CTCF: variants seen among roughly 807,000 people sequenced by gnomAD.
The protein encoded by CTCF is transcriptional repressor CTCF.
CTCF carries 7 observed loss-of-function variants against 72.3 expected under a neutral mutation model. The observed-to-expected ratio is 0.10, with a 90% CI of 0.06 to 0.18. The LOEUF is 0.18. CTCF is among the 10% of genes least tolerant of loss of function. The pLI is 1.00. For synonymous variants in CTCF, 374 were observed against 315.8 expected (o/e 1.18, Z -1.95); for missense variants, 516 against 949.1 (o/e 0.54, Z 6.00).
intron 4 of CTCF, chr16:67,615,037 G>C (rs545348081): frequency 6.6e-6 from 1 of 152,272 alleles, no homozygotes; most frequent in South Asian, 2.1e-4. Context: ...AGCTACTCAG[G>C]AGGCTGAGGC....
intron 7 of CTCF, among the ~76,000 whole-genome samples, chr16:67,622,152 C>T (rs936213475): frequency 2.6e-5 from 4 of 152,030 alleles, no homozygotes; most frequent in African/African-American, 7.2e-5. Context: ...GTCAGGCGAT[C>T]GAGACCATTC....
chr16:67,584,337 C>CTTTTTTTTTTTTTTTT (rs904086024), intron 2 of CTCF, among the ~76,000 whole-genome samples: 2 of 105,860 alleles, frequency 1.9e-5, no homozygotes, highest in African/African-American at 8.5e-5. Context: ...AAAAAGTCTT[C>CTTTTTTTTTTTTTTTT]TTTTTTTTTT....
rs541559135 is a variant in CTCF, at chr16:67,600,441, G to A, written c.-9-10383G>A. On this transcript the variant is annotated intron_variant, in intron 2 of 11. Transcript: ENST00000264010. ...GATGGTGTTTCACCATGTTGCCCAAGCTGGTCTCGAACTCCTGGACTCAAG... is the reference window on the plus strand; with the variant it reads ...GATGGTGTTTCACCATGTTGCCCAAACTGGTCTCGAACTCCTGGACTCAAG... 3.3e-5 allele frequency among the ~76,000 whole-genome samples: 5 copies of A among 152,110 alleles called. No homozygotes were observed. The East Asian group carries it at 9.7e-4, about 29-fold the overall frequency.
intron 10 of CTCF, among the ~76,000 whole-genome samples, chr16:67,630,904 G>T (rs779785771): frequency 1.3e-5 from 2 of 152,142 alleles, no homozygotes; most frequent in Non-Finnish European, 2.9e-5. Flanking sequence ...AGGTGGGAAG[G>T]CACCTCTGTA....
chr16:67,583,788 A>G (rs2051623209), intron 2 of CTCF, among the ~76,000 whole-genome samples: 1 of 152,098 alleles, frequency 6.6e-6, no homozygotes, highest in South Asian at 2.1e-4. Context: ...CAGCTTTTCT[A>G]GTTTAAAACA....
intron 9 of CTCF, 56 bp downstream of exon 9, chr16:67,628,608 C>G: frequency 6.4e-7 from 1 of 1,558,510 alleles, no homozygotes; most frequent in Non-Finnish European, 8.8e-7. Flanking sequence ...GATTTTTGGT[C>G]TTCCTCTGCA....
rs771089938 is a variant in CTCF at position 67,637,767 on chromosome 16, T to G, written c.2079T>G (p.Asp693Glu). The change falls in exon 12 of 12, where the codon GAT becomes GAG. Residue 693 changes from aspartate (D) to glutamate (E), a missense_variant. This residue lies in a region of CTCF where 157 missense variants were observed against 172.9 expected (regional missense o/e 0.91). Transcript: ENST00000264010. ...TAGTTGAAGTAAAAAAAGAGCCAGATGCTGAGCCCGCAGAGGGAGAGGAAG... is the reference window on the plus strand; with the variant it reads ...TAGTTGAAGTAAAAAAAGAGCCAGAGGCTGAGCCCGCAGAGGGAGAGGAAG... ...NIIVEVKKEP[D>E]AEPAEGEEEE... is the part of the protein sequence containing the mutation. 1 of 1,613,614 alleles carries G rather than the reference T, an allele frequency of 6.2e-7. No individual in the cohort carries two copies. Among genetic ancestry groups the G allele is most frequent in the Non-Finnish European group, 8.5e-7 (1 of 1,180,018 alleles).
At chr16:67,618,902 A>C (rs2052166492) in intron 5 of CTCF, among the ~76,000 whole-genome samples, 1 of 152,240 alleles carries the variant, frequency 6.6e-6, no homozygotes. Flanking sequence ...GGAAGAATAA[A>C]TATGAATGGC....
At position 67,637,932 on chromosome 16, in the gene CTCF, T is replaced by G. The variant is rs1357792745; in HGVS notation, c.*60T>G. ...GGCTGTGTTTAAACGGCCCGCATCT[T>G]AATTTTTCTCCCTTCTTTCTTTTTT... On this transcript the variant is annotated 3_prime_UTR_variant, in exon 12 of 12. Coordinates refer to ENST00000264010, the MANE Select transcript of CTCF (RefSeq NM_006565.4). 4.4e-6 allele frequency: 6 copies of G among 1,355,890 alleles called. No individual in the cohort carries two copies. The highest frequency in any genetic ancestry group is 4.9e-5 in the Admixed American group (2 of 40,590). The allele number at this position is 1,355,890 out of a possible 1,614,324, so 84.0% of individuals were successfully genotyped here. A position where few individuals can be genotyped will look rare whatever the true frequency, so the allele number is the denominator to read the frequency against.
chr16:67,612,956 T>G (rs2052080923), intron 4 of CTCF, among the ~76,000 whole-genome samples: 1 of 152,166 alleles, frequency 6.6e-6, no homozygotes, highest in South Asian at 2.1e-4. Flanking sequence ...ACCTTAACAT[T>G]TTTTGTTTCT....
intron 10 of CTCF, among the ~76,000 whole-genome samples, chr16:67,630,755 CA>C (rs981378742): frequency 6.7e-6 from 1 of 148,606 alleles, no homozygotes; most frequent in Non-Finnish European, 1.5e-5. Context: ...ACCTTGTCTC[CA>C]AAAAAAACAA....
chr16:67,620,847 A>G, intron 6 of CTCF, 30 bp downstream of exon 6: 5 of 1,523,956 alleles, frequency 3.3e-6, no homozygotes, highest in Non-Finnish European at 4.5e-6. Context: ...TACTGTATTA[A>G]TGAGCTTCTT....
chr16:67,605,034 G>A (rs1000515057), intron 2 of CTCF, among the ~76,000 whole-genome samples: 1 of 140,014 alleles, frequency 7.1e-6, no homozygotes, highest in Non-Finnish European at 1.5e-5. Flanking sequence ...GTGCAGTGGC[G>A]CAATCTCGGC....
intron 2 of CTCF, among the ~76,000 whole-genome samples, chr16:67,577,945 A>C (rs2051522669): frequency 6.6e-6 from 1 of 152,190 alleles, no homozygotes; most frequent in Non-Finnish European, 1.5e-5. Flanking sequence ...AGTAATGTTT[A>C]GTTTCATTCT....
intron 7 of CTCF, among the ~76,000 whole-genome samples, chr16:67,625,475 C>T (rs2052270778): frequency 6.6e-6 from 1 of 152,246 alleles, no homozygotes; most frequent in Admixed American, 6.5e-5. Flanking sequence ...GCTAGGATTA[C>T]AGGCGTGAGC....
chr16:67,636,652 C>T (rs746345084), intron 10 of CTCF, 38 bp from the exon 11 acceptor site: 2 of 1,528,414 alleles, frequency 1.3e-6, no homozygotes, highest in East Asian at 2.4e-5. Flanking sequence ...CACCCTTCTC[C>T]TTGCCCCACC....
Position 67,626,536 on chromosome 16 carries a change from CT to C in CTCF, c.1358-14del. On this transcript the variant is annotated intron_variant, in intron 7 of 11. Coordinates refer to ENST00000264010, the MANE Select transcript of CTCF (RefSeq NM_006565.4). The stretch of plus-strand genomic sequence containing the variant: ...GTTTGTGTTTTCACATTACCCTGGG[CT>C]TTTTACTGTGCTTTCAGGTGTCCAC... 1 of 1,406,964 alleles carries C rather than the reference CT, an allele frequency of 7.1e-7. No individual in the cohort carries two copies. Among genetic ancestry groups the C allele is most frequent in the Non-Finnish European group, 9.4e-7 (1 of 1,068,710 alleles). The allele number at this position is 1,406,964 out of a possible 1,614,324, so 87.2% of individuals were successfully genotyped here. A position where few individuals can be genotyped will look rare whatever the true frequency, so the allele number is the denominator to read the frequency against.
chr16:67,588,859 G>A (rs540535220), intron 2 of CTCF, among the ~76,000 whole-genome samples: 17 of 150,662 alleles, frequency 1.1e-4, no homozygotes, highest in African/African-American at 3.7e-4. Context: ...GCTAATTTTT[G>A]TATTTTTTTT....
rs533620467 is a variant in CTCF at position 67,638,617 on chromosome 16, G to A, written c.*745G>A. On this transcript the variant is annotated 3_prime_UTR_variant, in exon 12 of 12. Coordinates refer to ENST00000264010, the MANE Select transcript of CTCF (RefSeq NM_006565.4). Reference sequence around the variant, plus strand: ...ACCCAGACCACTGCCCACCAGTGACGGACATGCACGTGGCAGATCATGATT... The same window carrying A: ...ACCCAGACCACTGCCCACCAGTGACAGACATGCACGTGGCAGATCATGATT... 271 of 231,770 alleles carry A rather than the reference G, an allele frequency of 1.2e-3. No individual in the cohort carries two copies. The highest frequency in any genetic ancestry group is 1.7e-3 in the Non-Finnish European group (200 of 116,850). The allele number at this position is 231,770 out of a possible 1,614,324, so 14.4% of individuals were successfully genotyped here.
Sources: allele counts gnomAD v4.1 joint callset (sites outside exome capture counted in the v4.1 genomes callset), GRCh38; gene constraint gnomAD v4.1.1; regional missense constraint gnomAD v4.1.1; transcripts MANE v1.5; gene names NCBI Gene and HGNC (gene_info 2026-07-23, HGNC 2026-07-21).